RNF214: variants seen among roughly 807,000 people sequenced by gnomAD.
The protein encoded by RNF214 is ring finger protein 214.
A neutral mutation model predicts 75.9 loss-of-function variants in RNF214; 25 were observed. The observed-to-expected ratio is 0.33, with a 90% CI of 0.24 to 0.46. RNF214 has a LOEUF of 0.46. Ranked by LOEUF, RNF214 falls within the 20% of genes least tolerant of loss-of-function variation. The probability of loss-of-function intolerance (pLI) is 1.00; values close to 1 mark genes in which losing one functional copy is unlikely to be tolerated. For missense variants in RNF214, 725 were observed against 857.5 expected (o/e 0.85, Z 1.93); for synonymous variants, 314 against 308.8 (o/e 1.02, Z -0.18).
chr11:117,243,649 G>A (rs2033139058), intron 4 of RNF214, among the ~76,000 whole-genome samples: 2 of 152,278 alleles, frequency 1.3e-5, no homozygotes, highest in Admixed American at 6.5e-5. Flanking sequence ...GGTAACCATT[G>A]ATTTTCTTGA....
At position 117,280,245 on chromosome 11, in the gene RNF214, C is replaced by T. The variant is rs2034099066; in HGVS notation, c.1131C>T (p.His377=). Residue 377 remains histidine, a synonymous_variant, in exon 8 of 15, where the codon CAC becomes CAT. Transcript: ENST00000300650. ...AAGCAGAAAAAGAGGCAGAATTGCA[C>T]CTTACTTACCTCAAGTAAGTACCTT... The part of the protein sequence containing the change: ...LEEAEKEAEL[H]LTYLKSTPPT... 2 of 1,604,764 alleles carry T rather than the reference C, an allele frequency of 1.2e-6. No homozygotes were observed. The highest frequency in any genetic ancestry group is 1.7e-6 in the Non-Finnish European group (2 of 1,171,614).
intron 4 of RNF214, among the ~76,000 whole-genome samples, chr11:117,243,731 T>G (rs1028938379): frequency 2.0e-5 from 3 of 152,048 alleles, no homozygotes; most frequent in Non-Finnish European, 4.4e-5. Context: ...ATTATTGTTA[T>G]TTTTTGGTAG....
intron 4 of RNF214, among the ~76,000 whole-genome samples, chr11:117,240,559 G>T (rs1283907468): frequency 6.6e-6 from 1 of 151,526 alleles, no homozygotes; most frequent in Non-Finnish European, 1.5e-5. Flanking sequence ...GTGGTGGTGT[G>T]TGCCTGTAAT....
At chr11:117,280,318 T>G in intron 8 of RNF214, 59 bp downstream of exon 8, 2 of 1,271,348 alleles carry the variant, frequency 1.6e-6, no homozygotes, top group East Asian at 4.6e-5. Context: ...TTTGTTTGTT[T>G]AGGTTTTTTC....
At chr11:117,270,658 G>C (rs1468080286) in intron 6 of RNF214, among the ~76,000 whole-genome samples, 1 of 151,868 alleles carries the variant, frequency 6.6e-6, no homozygotes, top group Non-Finnish European at 1.5e-5. Flanking sequence ...ATGTTGGTCA[G>C]GCTGGTCTTG....
chr11:117,279,157 A>T (rs187308800), intron 6 of RNF214, among the ~76,000 whole-genome samples: 18 of 152,214 alleles, frequency 1.2e-4, no homozygotes, highest in Non-Finnish European at 2.4e-4. Flanking sequence ...ATTCTTCAGG[A>T]CCCATACTAA....
At position 117,282,142 on chromosome 11, in the gene RNF214, C is replaced by T. The variant is rs766768995; in HGVS notation, c.1584C>T (p.Ala528=). 1.3e-5 allele frequency: 21 copies of T among 1,613,930 alleles called. No homozygotes were observed. The highest frequency in any genetic ancestry group is 3.3e-4 in the Middle Eastern group (2 of 6,084). ...CCCACGGTCCACACATGCCCCCTGC[C>T]GCCTCCATCCCACCTCCCCCAGGCT... ...VSPHGPHMPP[A]ASIPPPPGLG... The change falls in exon 11 of 15, where the codon GCC becomes GCT. Residue 528 remains alanine (A), a synonymous_variant. Transcript: ENST00000300650.
chr11:117,246,741 C>A, intron 5 of RNF214, 68 bp from the exon 6 acceptor site: 1 of 1,401,908 alleles, frequency 7.1e-7, no homozygotes, highest in Non-Finnish European at 9.5e-7. Context: ...TGAAAATAAC[C>A]TTTGCATCAA....
chr11:117,267,462 A>G (rs2033819607), intron 6 of RNF214, among the ~76,000 whole-genome samples: 1 of 152,106 alleles, frequency 6.6e-6, no homozygotes, highest in African/African-American at 2.4e-5. Context: ...CTGTAATTTC[A>G]GCAGTTTGGG....
intron 6 of RNF214, among the ~76,000 whole-genome samples, chr11:117,259,470 A>G (rs2033605836): frequency 6.6e-6 from 1 of 152,212 alleles, no homozygotes; most frequent in African/African-American, 2.4e-5. Context: ...TAGATGTATG[A>G]ACAGTTTTAT....
intron 2 of RNF214, among the ~76,000 whole-genome samples, chr11:117,235,875 C>T (rs1038114021): frequency 1.3e-5 from 2 of 152,066 alleles, no homozygotes; most frequent in Non-Finnish European, 2.9e-5. Flanking sequence ...AACGTTTATC[C>T]TTTTGAATAT....
intron 5 of RNF214, among the ~76,000 whole-genome samples, chr11:117,245,802 TAAC>T (rs761093039): frequency 3.1e-4 from 47 of 152,054 alleles, no homozygotes; most frequent in South Asian, 6.2e-4. Flanking sequence ...CATTTAAAAA[TAAC>T]AACAACAACA....
At chr11:117,263,347 C>G (rs2033718329) in intron 6 of RNF214, among the ~76,000 whole-genome samples, 3 of 150,582 alleles carry the variant, frequency 2.0e-5, no homozygotes, top group African/African-American at 7.4e-5. Flanking sequence ...GCAGTCTCGG[C>G]TCACTGCAAC....
At chr11:117,239,210 GT>G (rs2033003209) in intron 3 of RNF214, 99 bp downstream of exon 3, 1 of 1,340,116 alleles carries the variant, frequency 7.5e-7, no homozygotes, top group Non-Finnish European at 1.0e-6. Flanking sequence ...TTGCTGGCTT[GT>G]TTTGTTTTTT....
At chr11:117,267,345 T>C (rs2033817811) in intron 6 of RNF214, among the ~76,000 whole-genome samples, 1 of 152,116 alleles carries the variant, frequency 6.6e-6, no homozygotes, top group Non-Finnish European at 1.5e-5. Flanking sequence ...AGGTTAATAG[T>C]TTTAACTTTT....
intron 6 of RNF214, among the ~76,000 whole-genome samples, chr11:117,253,763 C>A (rs561400859): frequency 2.8e-4 from 42 of 152,234 alleles, no homozygotes; most frequent in Admixed American, 7.8e-4. Flanking sequence ...CTCGTGGTGA[C>A]CCTGTGTTTT....
intron 4 of RNF214, among the ~76,000 whole-genome samples, chr11:117,242,803 G>A (rs570879458): frequency 1.4e-4 from 22 of 152,284 alleles, no homozygotes; most frequent in Admixed American, 1.3e-3. Flanking sequence ...GCCGTAAGCC[G>A]AGATTGCACC....
chr11:117,280,982 C>CTTTTT (rs57955215), intron 8 of RNF214, among the ~76,000 whole-genome samples: 10 of 87,980 alleles, frequency 1.1e-4, no homozygotes, highest in Admixed American at 3.1e-4. Flanking sequence ...AGGAATAGGG[C>CTTTTT]TTTTTTTTTT....
At chr11:117,235,410 A>G (rs200580875) in intron 2 of RNF214, among the ~76,000 whole-genome samples, 1 of 148,400 alleles carries the variant, frequency 6.7e-6, no homozygotes, top group East Asian at 2.0e-4. Context: ...GTTAGCCAGG[A>G]TGGTCTCGAT....
Sources: allele counts gnomAD v4.1 joint callset (sites outside exome capture counted in the v4.1 genomes callset), GRCh38; gene constraint gnomAD v4.1.1; transcripts MANE v1.5; gene names NCBI Gene and HGNC (gene_info 2026-07-23, HGNC 2026-07-21).